The following ZNF843 variants were observed in gnomAD, a reference collection of about 807,000 sequenced individuals.
The protein encoded by ZNF843 is zinc finger protein 843.
For missense variants in ZNF843, 482 were observed against 469.4 expected (o/e 1.03, Z -0.25); for synonymous variants, 185 against 207.7 (o/e 0.89, Z 0.94).
In ZNF843 at chr16:31,436,648, G is replaced by T; in HGVS notation, c.202C>A (p.Arg68=). 6.4e-7 allele frequency: 1 copy of T among 1,551,514 alleles called. No individual in the cohort carries two copies. The change falls in exon 2 of 2, where the codon CGG becomes AGG. Residue 68 remains arginine (R), a synonymous_variant. Coordinates refer to ENST00000315678, the MANE Select transcript of ZNF843 (RefSeq NM_001136509.3). ...WRETLSLSPV[R]QDLLWPLQPH... ...TGGAGCGGCCACAGCAGGTCTTGCCGCACTGGGGACAGCGACAAGGTCTCT... is the reference window on the plus strand; with the variant it reads ...TGGAGCGGCCACAGCAGGTCTTGCCTCACTGGGGACAGCGACAAGGTCTCT...
chr16:31,441,540 A>G (rs577721267), intron 1 of ZNF843, among the ~76,000 whole-genome samples: 55 of 152,292 alleles, frequency 3.6e-4, no homozygotes, highest in African/African-American at 1.3e-3. Flanking sequence ...GCTGGAGTGC[A>G]GTGGCACCAT....
intron 1 of ZNF843, among the ~76,000 whole-genome samples, chr16:31,440,662 C>G (rs1045345013): frequency 6.6e-6 from 1 of 152,118 alleles, no homozygotes; most frequent in Non-Finnish European, 1.5e-5. Flanking sequence ...GGAATCATTC[C>G]CAGGAGCGCA....
rs1034234506 is a variant in ZNF843 at position 31,436,982 on chromosome 16, G to A, written c.-133C>T. 4 of 806,204 alleles carry A rather than the reference G, an allele frequency of 5.0e-6. No homozygotes were observed. Among genetic ancestry groups the A allele is most frequent in the Non-Finnish European group, 7.8e-6 (4 of 513,696 alleles). 49.9% of individuals were successfully genotyped at this position (806,204 alleles called of 1,614,324 possible). On this transcript the variant is annotated 5_prime_UTR_variant, in exon 2 of 2. Transcript: ENST00000315678. ...AGCTCACAGTCTGGGAGCAGCACCC[G>A]GCCCCAGGCCTCGGGGGCTGTCTGG...
rs2082189924 is a variant in ZNF843 at position 31,438,199 on chromosome 16, C to G, written c.-335-1015G>C. 2.0e-5 allele frequency among the ~76,000 whole-genome samples: 3 copies of G among 152,098 alleles called. 1 individual carries two copies. The South Asian group carries it at 6.2e-4, about 32-fold the overall frequency. On this transcript the variant is annotated intron_variant, in intron 1 of 1. Transcript: ENST00000315678. ...CATTTCCTCATTAACCTTGAACATC[C>G]AAACACAAACCATCAAAAAGAATCA...
At position 31,435,496 on chromosome 16, in the gene ZNF843, C is replaced by G. The variant is rs949621373; in HGVS notation, c.*307G>C. On this transcript the variant is annotated 3_prime_UTR_variant, in exon 2 of 2. Coordinates refer to ENST00000315678, the MANE Select transcript of ZNF843 (RefSeq NM_001136509.3). ...CAGAGATGCGGTCTCGCTAGGCTGC[C>G]CAGGCTAGTCTCAAATTCTTCGGGC... The G allele has an allele frequency of 1.6e-5, 4 of 253,396 alleles. No individual in the cohort carries two copies. Among genetic ancestry groups the G allele is most frequent in the African/African-American group, 4.5e-5 (2 of 44,906 alleles). 15.7% of individuals were successfully genotyped at this position (253,396 alleles called of 1,614,324 possible). A position where few individuals can be genotyped will look rare whatever the true frequency, so the allele number is the denominator to read the frequency against.
chr16:31,435,962 C>G lies in ZNF843; in HGVS notation c.888G>C (p.Ser296=), dbSNP rs1300939805. The part of the protein sequence containing the change: ...PGYPEPARKA[S]QHRAAGPLGE... ...CGAGCGGTCCGGCCGCTCTGTGCTG[C>G]GAGGCCTTCCGGGCTGGCTCAGGGT... The change falls in exon 2 of 2, where the codon TCG becomes TCC. Residue 296 remains serine, a synonymous_variant. Transcript: ENST00000315678. The G allele has an allele frequency of 1.3e-6, 2 of 1,530,818 alleles. No individual in the cohort carries two copies. The highest frequency in any genetic ancestry group is 1.8e-6 in the Non-Finnish European group (2 of 1,136,320). 94.8% of individuals were successfully genotyped at this position (1,530,818 alleles called of 1,614,324 possible).
At chr16:31,437,885 C>G (rs2082189196) in intron 1 of ZNF843, among the ~76,000 whole-genome samples, 1 of 152,084 alleles carries the variant, frequency 6.6e-6, no homozygotes, top group Non-Finnish European at 1.5e-5. Flanking sequence ...CTTAGCCTCC[C>G]AAAGTGCTGG....
At chr16:31,441,002 T>C (rs2082199423) in intron 1 of ZNF843, among the ~76,000 whole-genome samples, 1 of 152,244 alleles carries the variant, frequency 6.6e-6, no homozygotes, top group Admixed American at 6.5e-5. Context: ...TTGCCCAGGC[T>C]TTCCTAATCT....
chr16:31,438,142 C>G (rs537829749), intron 1 of ZNF843, among the ~76,000 whole-genome samples: 5 of 152,230 alleles, frequency 3.3e-5, no homozygotes, highest in African/African-American at 1.2e-4. Flanking sequence ...AAGACCCTGT[C>G]TGTATTAAAA....
intron 1 of ZNF843, among the ~76,000 whole-genome samples, 155 bp from the exon 2 acceptor site, chr16:31,437,339 T>C (rs2082186870): frequency 6.7e-6 from 1 of 148,166 alleles, no homozygotes; most frequent in Admixed American, 6.7e-5. Flanking sequence ...GGTCTATTTC[T>C]GTTGCCCAGG....
chr16:31,439,732 G>A (rs1030936106), intron 1 of ZNF843, among the ~76,000 whole-genome samples: 5 of 152,218 alleles, frequency 3.3e-5, no homozygotes, highest in Non-Finnish European at 7.3e-5. Flanking sequence ...TCTGGGGCTG[G>A]GTCAGGGAGA....
chr16:31,436,762 G>T lies in ZNF843; in HGVS notation c.88C>A (p.Arg30Ser). The T allele has an allele frequency of 6.4e-7, 1 of 1,551,750 alleles. No individual in the cohort carries two copies. Among genetic ancestry groups the T allele is most frequent in the Non-Finnish European group, 8.7e-7 (1 of 1,147,042 alleles). Reference sequence around the variant, plus strand: ...CAGGCCTTGCACTTGCAGGGCTGACGGCCCTGGGTGAATCTGCCGGTGCTG... The same window carrying T: ...CAGGCCTTGCACTTGCAGGGCTGACTGCCCTGGGTGAATCTGCCGGTGCTG... ...CCSTGRFTQG[R>S]QPCKCKACGR... The change falls in exon 2 of 2, where the codon CGT (arginine) becomes AGT (serine). Residue 30 changes from arginine to serine, a missense_variant. By Grantham distance (110) the Arg-to-Ser change is moderately radical (BLOSUM62 -1). Transcript: ENST00000315678.
At chr16:31,441,548 C>T (rs2082201074) in intron 1 of ZNF843, among the ~76,000 whole-genome samples, 1 of 152,040 alleles carries the variant, frequency 6.6e-6, no homozygotes, top group Admixed American at 6.6e-5. Flanking sequence ...GCAGTGGCAC[C>T]ATCATGGCTC....
At chr16:31,441,610 T>C (rs970492046) in intron 1 of ZNF843, among the ~76,000 whole-genome samples, 4 of 151,474 alleles carry the variant, frequency 2.6e-5, no homozygotes, top group African/African-American at 9.7e-5. Context: ...GCCTCCTGAG[T>C]AGCTGGGATC....
At chr16:31,442,304 TA>T (rs1555490945) in intron 1 of ZNF843, among the ~76,000 whole-genome samples, 2 of 14,456 alleles carry the variant, frequency 1.4e-4, no homozygotes, top group Admixed American at 1.4e-3. Flanking sequence ...CGCTCGATTT[TA>T]TTTATTTATT....
chr16:31,436,168 T>C lies in ZNF843; in HGVS notation c.682A>G (p.Ser228Gly). 6.5e-7 allele frequency: 1 copy of C among 1,540,666 alleles called. No homozygotes were observed. The highest frequency in any genetic ancestry group is 8.8e-7 in the Non-Finnish European group (1 of 1,141,018). The change falls in exon 2 of 2, where the codon AGT (serine) becomes GGT (glycine). Residue 228 changes from serine to glycine, a missense_variant. Coordinates refer to ENST00000315678, the MANE Select transcript of ZNF843 (RefSeq NM_001136509.3). ...PPFLYPGPPLSLQPLVPSGLP... is the reference protein window; with the variant it reads ...PPFLYPGPPLGLQPLVPSGLP... ...CCGGATGGAACCAGAGGCTGGAGAC[T>C]GAGTGGGGGGCCAGGATAAAGGAAG...
Position 31,436,554 on chromosome 16 carries a change from C to G in ZNF843, c.296G>C (p.Ser99Thr). 6.5e-7 allele frequency: 1 copy of G among 1,550,342 alleles called. No homozygotes were observed. Among genetic ancestry groups the G allele is most frequent in the Middle Eastern group, 1.7e-4 (1 of 5,986 alleles). The change falls in exon 2 of 2, where the codon AGC becomes ACC. Residue 99 changes from serine to threonine, a missense_variant. Physicochemically the swap from Ser to Thr is moderately conservative, Grantham distance 58. Coordinates refer to ENST00000315678, the MANE Select transcript of ZNF843 (RefSeq NM_001136509.3). ...HSSAGVRQGF[S>T]GQLCCWLTKE... Reference sequence around the variant, plus strand: ...GGTGAGCCAGCAGCAGAGCTGGCCGCTAAACCCTTGCCGCACTCCCGCAGA... The same window carrying G: ...GGTGAGCCAGCAGCAGAGCTGGCCGGTAAACCCTTGCCGCACTCCCGCAGA...
chr16:31,437,101 C>T lies in ZNF843; in HGVS notation c.-252G>A. On this transcript the variant is annotated 5_prime_UTR_variant, in exon 2 of 2. The change abolishes an upstream ATG in the 5' untranslated region. Transcript: ENST00000315678. ...CCTGGGTGTTCCCCATCACTAAGTC[C>T]ATCCTCTTGGATACGCTGGTCCTCA... 4.2e-6 allele frequency: 2 copies of T among 478,908 alleles called. No individual in the cohort carries two copies. The highest frequency in any genetic ancestry group is 3.5e-5 in the East Asian group (1 of 28,506). The allele number at this position is 478,908 out of a possible 1,614,324, so 29.7% of individuals were successfully genotyped here.
Position 31,436,930 on chromosome 16 carries a change from G to A in ZNF843, c.-81C>T. 1 of 1,342,962 alleles carries A rather than the reference G, an allele frequency of 7.4e-7. No homozygotes were observed. The highest frequency in any genetic ancestry group is 1.0e-6 in the Non-Finnish European group (1 of 1,000,016). The allele number at this position is 1,342,962 out of a possible 1,614,324, so 83.2% of individuals were successfully genotyped here. On this transcript the variant is annotated 5_prime_UTR_variant, in exon 2 of 2. Transcript: ENST00000315678. ...CACTTGGCGCAGCTGTGGGGCCTCT[G>A]CCGCACTCAGGCTTCCCGTGGCCAC...
Sources: gnomAD v4.1 joint callset for allele counts (sites outside exome capture counted in the v4.1 genomes callset) on GRCh38, gnomAD v4.1.1 for gene constraint, MANE v1.5 for transcripts, NCBI Gene and HGNC (gene_info 2026-07-23, HGNC 2026-07-21) for gene names.